Variants in FHIT observed in about 807,000 individuals in gnomAD.
The protein encoded by FHIT is fragile histidine triad diadenosine triphosphatase, also known as bis(5'-adenosyl)-triphosphatase.
In FHIT, 19 loss-of-function variants were observed where a neutral mutation model predicts 17.9. The ratio of observed to expected loss-of-function variants is 1.06; its 90% confidence interval spans 0.74 to 1.56. FHIT has a LOEUF of 1.56. Ranked by LOEUF, FHIT falls within the 40% of genes most tolerant of loss-of-function variation. The pLI is 0.00. For missense variants in FHIT, 248 were observed against 189.2 expected, an observed-to-expected ratio of 1.31 and a Z score of -1.82; for synonymous variants, 81 against 69.7, an observed-to-expected ratio of 1.16 and a Z score of -0.81.
intron 8 of FHIT, among the ~76,000 whole-genome samples, chr3:59,854,088 TA>T (rs1367173074): frequency 2.0e-5 from 3 of 152,022 alleles, no homozygotes; most frequent in African/African-American, 7.2e-5. Flanking sequence ...GTACTTCGAG[TA>T]CATGAAAATT....
chr3:60,750,926 T>C (rs1490159105), intron 4 of FHIT, among the ~76,000 whole-genome samples: 1 of 152,150 alleles, frequency 6.6e-6, no homozygotes, highest in Non-Finnish European at 1.5e-5. Flanking sequence ...CTCTTAATAC[T>C]AAAGCCTTCT....
intron 5 of FHIT, among the ~76,000 whole-genome samples, chr3:60,348,333 A>C (rs1710902327): frequency 6.6e-6 from 1 of 152,234 alleles, no homozygotes; most frequent in African/African-American, 2.4e-5. Flanking sequence ...AATAATAAAC[A>C]GCTTGTATAT....
At chr3:60,209,337 G>A (rs1364161837) in intron 5 of FHIT, among the ~76,000 whole-genome samples, 2 of 152,156 alleles carry the variant, frequency 1.3e-5, no homozygotes, top group African/African-American at 4.8e-5. Flanking sequence ...TGTAACAGTG[G>A]CTAGGGAGAT....
intron 4 of FHIT, among the ~76,000 whole-genome samples, chr3:60,788,585 C>A (rs2108113542): frequency 6.6e-6 from 1 of 152,188 alleles, no homozygotes; most frequent in South Asian, 2.1e-4. Flanking sequence ...ATACTAGGGG[C>A]TGAGGGTTGC....
intron 5 of FHIT, among the ~76,000 whole-genome samples, chr3:60,176,316 C>T (rs1701667657): frequency 6.6e-6 from 1 of 152,184 alleles, no homozygotes; most frequent in Admixed American, 6.5e-5. Context: ...CGTACCACTG[C>T]ACTCCAGCCT....
intron 4 of FHIT, among the ~76,000 whole-genome samples, chr3:60,696,183 A>G (rs2041110225): frequency 6.6e-6 from 1 of 152,184 alleles, no homozygotes; most frequent in African/African-American, 2.4e-5. Context: ...AGCCTCATAT[A>G]AAATATATCA....
At chr3:60,647,726 T>C (rs1173774042) in intron 4 of FHIT, among the ~76,000 whole-genome samples, 2 of 152,230 alleles carry the variant, frequency 1.3e-5, no homozygotes, top group East Asian at 1.9e-4. Flanking sequence ...GTATGTGTTA[T>C]TTGTTTATAG....
chr3:61,136,097 A>G (rs1426537273), intron 2 of FHIT, among the ~76,000 whole-genome samples: 2 of 152,104 alleles, frequency 1.3e-5, no homozygotes, highest in African/African-American at 4.8e-5. Flanking sequence ...GGAATGAGGT[A>G]GACAACATCC....
At chr3:60,909,356 G>A (rs797032963) in intron 3 of FHIT, among the ~76,000 whole-genome samples, 26 of 135,864 alleles carry the variant, frequency 1.9e-4, no homozygotes, top group African/African-American at 6.4e-4. Context: ...GCAGCAGAGC[G>A]AGACTCTGTC....
chr3:60,924,745 C>T (rs1056130416), intron 3 of FHIT, among the ~76,000 whole-genome samples: 11 of 151,464 alleles, frequency 7.3e-5, no homozygotes, highest in South Asian at 4.2e-4. Flanking sequence ...AGGCTTCAGA[C>T]GATCAAACTA....
intron 5 of FHIT, among the ~76,000 whole-genome samples, chr3:60,392,528 A>T (rs555106657): frequency 6.6e-6 from 1 of 152,336 alleles, no homozygotes; most frequent in African/African-American, 2.4e-5. Flanking sequence ...GCAACATCGT[A>T]GACATCTCAA....
intron 5 of FHIT, among the ~76,000 whole-genome samples, chr3:60,237,965 A>T (rs892812613): frequency 2.0e-5 from 3 of 151,804 alleles, no homozygotes; most frequent in Non-Finnish European, 2.9e-5. Context: ...GTGAAACTCC[A>T]TCTCTACTAA....
At chr3:60,921,083 G>A (rs1164773927) in intron 3 of FHIT, among the ~76,000 whole-genome samples, 2 of 152,164 alleles carry the variant, frequency 1.3e-5, no homozygotes, top group African/African-American at 2.4e-5. Context: ...GATAGGGGAC[G>A]GAGGAGAAAA....
chr3:60,432,864 T>C (rs1702977211), intron 5 of FHIT, among the ~76,000 whole-genome samples: 3 of 152,212 alleles, frequency 2.0e-5, no homozygotes, highest in Admixed American at 1.3e-4. Context: ...TTTTTGTGTT[T>C]GTTTTTTACT....
At chr3:60,680,036 T>C (rs571035230) in intron 4 of FHIT, among the ~76,000 whole-genome samples, 7 of 152,326 alleles carry the variant, frequency 4.6e-5, no homozygotes, top group South Asian at 2.1e-4. Flanking sequence ...TCCTGAATTA[T>C]CAAAAAGATA....
Position 61,175,756 on chromosome 3 carries a change from C to A in FHIT, c.-164+24861G>T, listed in dbSNP as rs2038139494. Among the ~76,000 whole-genome samples, 3 of 152,242 alleles carry A rather than the reference C, an allele frequency of 2.0e-5. No homozygotes were observed. In the South Asian group the frequency reaches 6.2e-4, roughly 32 times the overall value. On this transcript the variant is annotated intron_variant, in intron 2 of 9. Coordinates refer to ENST00000492590, the MANE Select transcript of FHIT (RefSeq NM_002012.4). ...CTCCAGAGGATGCAGCAACAAAGCA[C>A]CATCTTGGAATTAGAGAGCAGCCCT...
intron 8 of FHIT, among the ~76,000 whole-genome samples, chr3:59,793,055 A>G (rs1699635233): frequency 6.6e-6 from 1 of 152,084 alleles, no homozygotes; most frequent in Non-Finnish European, 1.5e-5. Context: ...GTATCTGCCC[A>G]GATCATCATT....
At chr3:61,077,233 T>C (rs1468426489) in intron 2 of FHIT, among the ~76,000 whole-genome samples, 2 of 152,070 alleles carry the variant, frequency 1.3e-5, no homozygotes, top group Admixed American at 1.3e-4. Context: ...TGCAGTGTCA[T>C]TGAATTGGAC....
At chr3:60,118,689 C>G (rs9847682) in intron 5 of FHIT, among the ~76,000 whole-genome samples, 1 of 143,636 alleles carries the variant, frequency 7.0e-6, no homozygotes, top group African/African-American at 2.6e-5. Flanking sequence ...CTTGCTTGGG[C>G]AATAAACTAG....
Sources: allele counts gnomAD v4.1 joint callset (sites outside exome capture counted in the v4.1 genomes callset), GRCh38; gene constraint gnomAD v4.1.1; transcripts MANE v1.5; gene names NCBI Gene and HGNC (gene_info 2026-07-23, HGNC 2026-07-21).